RGS7: variants seen among roughly 807,000 people sequenced by gnomAD.
RGS7 encodes the protein regulator of G-protein signaling 7.
A neutral mutation model predicts 81.1 loss-of-function variants in RGS7; 27 were observed. The ratio of observed to expected loss-of-function variants is 0.33; its 90% CI spans 0.25 to 0.46. The LOEUF is 0.46. RGS7 is among the 20% of genes least tolerant of loss of function. The probability of loss-of-function intolerance (pLI) is 1.00; values close to 1 mark genes in which losing one functional copy is unlikely to be tolerated. For synonymous variants in RGS7, 208 were observed against 207.7 expected (o/e 1.00, Z -0.01); for missense variants, 396 against 607.4 (o/e 0.65, Z 3.66).
chr1:240,978,032 C>T (rs1380558306), intron 4 of RGS7, among the ~76,000 whole-genome samples: 3 of 152,180 alleles, frequency 2.0e-5, no homozygotes, highest in Admixed American at 1.3e-4. Context: ...ACTCCCAGGT[C>T]CAGCTCGCTC....
intron 6 of RGS7, among the ~76,000 whole-genome samples, chr1:240,888,401 G>A (rs1174448224): frequency 1.3e-5 from 2 of 152,168 alleles, no homozygotes; most frequent in Admixed American, 1.3e-4. Flanking sequence ...CTGCGTTTAA[G>A]GGGAGAAAAT....
Position 241,053,850 on chromosome 1 carries a change from G to A in RGS7, c.175+44816C>T, listed in dbSNP as rs115393761. 9.2e-4 allele frequency among the ~76,000 whole-genome samples: 140 copies of A among 152,214 alleles called. 2 individuals carry two copies. The highest frequency in any genetic ancestry group is 3.3e-3 in the African/African-American group (136 of 41,538). On this transcript the variant is annotated intron_variant, in intron 3 of 18. Transcript: ENST00000440928. ...TTAAAAGGGGTTTTCTTTTTGCTTC[G>A]TTCTCATTCTTTCTTGTCCGCTACC...
rs74800292 is a variant in RGS7 at position 241,319,353 on chromosome 1, T to C, written c.78+36346A>G. On this transcript the variant is annotated intron_variant, in intron 2 of 18. Coordinates refer to ENST00000440928, the MANE Select transcript of RGS7 (RefSeq NM_001364886.1). The stretch of plus-strand genomic sequence containing the variant: ...AATATAAAAGAAAAATACAAGAATA[T>C]AGATTTTACTGTTAATGGTGCCTAT... Among the ~76,000 whole-genome samples, 1,317 of 152,258 alleles carry C rather than the reference T, an allele frequency of 8.6e-3. 25 individuals are homozygous for C. Among genetic ancestry groups the C allele is most frequent in the African/African-American group, 0.03 (1,256 of 41,554 alleles).
intron 3 of RGS7, among the ~76,000 whole-genome samples, chr1:241,083,854 C>A (rs1371401302): frequency 1.3e-5 from 2 of 152,058 alleles, no homozygotes; most frequent in African/African-American, 4.8e-5. Flanking sequence ...TTCTATAGAA[C>A]CCATTTTAGT....
chr1:241,329,557 A>G (rs1198764415), intron 2 of RGS7, among the ~76,000 whole-genome samples: 1 of 152,184 alleles, frequency 6.6e-6, no homozygotes, highest in Non-Finnish European at 1.5e-5. Flanking sequence ...TGATAATGCA[A>G]TGAAGCGCTA....
intron 2 of RGS7, among the ~76,000 whole-genome samples, chr1:241,307,717 G>A (rs2080261216): frequency 6.6e-6 from 1 of 152,212 alleles, no homozygotes; most frequent in Non-Finnish European, 1.5e-5. Context: ...TAAGAGCATT[G>A]TTTCTCTGAT....
intron 2 of RGS7, among the ~76,000 whole-genome samples, chr1:241,161,578 T>C (rs2069674320): frequency 6.7e-6 from 1 of 149,484 alleles, no homozygotes; most frequent in African/African-American, 2.5e-5. Context: ...CCATGACACA[T>C]TAATAATAAC....
chr1:241,058,067 C>A (rs2148824679), intron 3 of RGS7, among the ~76,000 whole-genome samples: 1 of 152,154 alleles, frequency 6.6e-6, no homozygotes, highest in South Asian at 2.1e-4. Context: ...TCGCAGCCAG[C>A]ACCAGGAAAG....
intron 4 of RGS7, among the ~76,000 whole-genome samples, chr1:240,969,178 G>A (rs527713032): frequency 6.0e-5 from 9 of 151,258 alleles, no homozygotes; most frequent in East Asian, 3.9e-4. Context: ...TTTTCTTTTC[G>A]TCTATTCTTC....
intron 3 of RGS7, among the ~76,000 whole-genome samples, chr1:241,074,481 G>A (rs1295019282): frequency 6.6e-6 from 1 of 152,190 alleles, no homozygotes; most frequent in African/African-American, 2.4e-5. Flanking sequence ...CTCAGTAGCT[G>A]CAAAGCTTCA....
At chr1:241,029,891 A>G (rs886069337) in intron 3 of RGS7, among the ~76,000 whole-genome samples, 5 of 152,120 alleles carry the variant, frequency 3.3e-5, no homozygotes, top group Non-Finnish European at 7.3e-5. Flanking sequence ...CTTTTCAGTG[A>G]TATTTGCCTT....
chr1:241,152,174 A>C (rs2068803666), intron 2 of RGS7, among the ~76,000 whole-genome samples: 1 of 151,906 alleles, frequency 6.6e-6, no homozygotes. Context: ...GGCAAGCCAA[A>C]GTTCTAAGGG....
intron 18 of RGS7, among the ~76,000 whole-genome samples, chr1:240,791,748 C>T (rs891532525): frequency 6.6e-6 from 1 of 152,196 alleles, no homozygotes; most frequent in South Asian, 2.1e-4. Flanking sequence ...TATGACTCCA[C>T]TTTTGGTGGA....
chr1:240,921,666 T>G (rs915426121), intron 6 of RGS7, among the ~76,000 whole-genome samples: 1 of 152,112 alleles, frequency 6.6e-6, no homozygotes, highest in Non-Finnish European at 1.5e-5. Context: ...ACTATTTATG[T>G]AAGCAGCAAA....
intron 2 of RGS7, among the ~76,000 whole-genome samples, chr1:241,100,365 A>C (rs1390597771): frequency 8.1e-6 from 1 of 122,764 alleles, no homozygotes; most frequent in African/African-American, 3.6e-5. Flanking sequence ...AAAGAGCAAG[A>C]CTCCATTTCA....
At chr1:241,276,885 A>G (rs2078220845) in intron 2 of RGS7, among the ~76,000 whole-genome samples, 1 of 152,226 alleles carries the variant, frequency 6.6e-6, no homozygotes, top group Admixed American at 6.5e-5. Flanking sequence ...TAATTTTAAT[A>G]GTACAGGCGA....
intron 2 of RGS7, among the ~76,000 whole-genome samples, chr1:241,214,631 T>C (rs2074442753): frequency 6.6e-6 from 1 of 152,114 alleles, no homozygotes; most frequent in Non-Finnish European, 1.5e-5. Flanking sequence ...GGACTACAGA[T>C]AAAAGTATAT....
At chr1:240,839,992 A>G (rs956508038) in intron 9 of RGS7, among the ~76,000 whole-genome samples, 3 of 151,570 alleles carry the variant, frequency 2.0e-5, no homozygotes, top group African/African-American at 7.3e-5. Context: ...CTCCAAATAC[A>G]CCCCGAACCT....
intron 9 of RGS7, among the ~76,000 whole-genome samples, chr1:240,833,579 AC>A (rs995392937): frequency 6.6e-6 from 1 of 152,154 alleles, no homozygotes; most frequent in Non-Finnish European, 1.5e-5. Context: ...TTGGGACATA[AC>A]CCCATTGTAG....
Sources: gnomAD v4.1 joint callset for allele counts (sites outside exome capture counted in the v4.1 genomes callset) on GRCh38, gnomAD v4.1.1 for gene constraint, MANE v1.5 for transcripts, NCBI Gene and HGNC (gene_info 2026-07-23, HGNC 2026-07-21) for gene names.